Variants in CNGA1 observed in about 807,000 individuals in gnomAD.
CNGA1 encodes the protein cyclic nucleotide-gated channel alpha-1.
A neutral mutation model predicts 69.7 loss-of-function variants in CNGA1; 53 were observed. That is an observed-to-expected ratio of 0.76 (90% CI 0.61 to 0.96). CNGA1 has a LOEUF of 0.96. Among genes scored for constraint, CNGA1 ranks in the 40% least tolerant of loss-of-function variants. The pLI, the probability that CNGA1 is intolerant of heterozygous loss-of-function variation, is 0.00. For missense variants in CNGA1, 739 were observed against 811.2 expected (o/e 0.91, Z 1.08); for synonymous variants, 249 against 283.5 (o/e 0.88, Z 1.22).
chr4:47,950,302 A>G (rs113721560), intron 5 of CNGA1, among the ~76,000 whole-genome samples: 1,951 of 152,330 alleles, frequency 0.013, 34 homozygotes, highest in African/African-American at 0.044. Context: ...TATAAAGGGC[A>G]GTTCCCCTGC....
intron 2 of CNGA1, among the ~76,000 whole-genome samples, chr4:48,009,464 C>CA (rs3033844): frequency 0.41 from 41,365 of 102,106 alleles, 8,497 homozygotes; most frequent in Non-Finnish European, 0.51. Context: ...GAGTCTGTCT[C>CA]AAAAAAAAAA....
At chr4:47,953,379 G>C (rs563471731) in intron 3 of CNGA1, among the ~76,000 whole-genome samples, 1 of 152,184 alleles carries the variant, frequency 6.6e-6, no homozygotes, top group South Asian at 2.1e-4. Context: ...TAGGGACCTC[G>C]CATACCCATC....
chr4:48,009,546 A>G (rs1715061666), intron 2 of CNGA1, among the ~76,000 whole-genome samples: 1 of 151,252 alleles, frequency 6.6e-6, no homozygotes, highest in Non-Finnish European at 1.5e-5. Context: ...GGCTCATGCT[A>G]TAGTCTCAGC....
intron 2 of CNGA1, among the ~76,000 whole-genome samples, chr4:47,985,277 T>C (rs1479128089): frequency 6.6e-6 from 1 of 152,198 alleles, no homozygotes; most frequent in Non-Finnish European, 1.5e-5. Flanking sequence ...GCAATAAATT[T>C]ACATGGTTTC....
chr4:47,937,537 G>A lies in CNGA1; in HGVS notation c.945C>T (p.Tyr315=), dbSNP rs1738747692. 1.2e-6 allele frequency: 2 copies of A among 1,614,170 alleles called. No homozygotes were observed. The highest frequency in any genetic ancestry group is 1.3e-5 in the African/African-American group (1 of 75,040). The change falls in exon 11 of 11, where the codon TAC becomes TAT. Residue 315 remains tyrosine, a synonymous_variant. Transcript: ENST00000514170. ...CAAATCCAATAGCTTTAGAAATAGA[G>A]TAGAACACACATGCATTCCAGTGGA... ...IIIHWNACVF[Y]SISKAIGFGN...
chr4:47,979,484 A>G (rs1469327226), intron 3 of CNGA1, among the ~76,000 whole-genome samples: 1 of 152,190 alleles, frequency 6.6e-6, no homozygotes, highest in East Asian at 1.9e-4. Flanking sequence ...ACCACATACT[A>G]TCACCTGAGG....
chr4:47,945,597 G>T (rs1220809121), intron 6 of CNGA1, among the ~76,000 whole-genome samples: 1 of 152,068 alleles, frequency 6.6e-6, no homozygotes. Context: ...TATGACTTAT[G>T]GTGTTTCCCA....
intron 3 of CNGA1, among the ~76,000 whole-genome samples, chr4:47,956,952 T>C (rs1361915120): frequency 6.6e-6 from 1 of 152,148 alleles, no homozygotes. Context: ...TATTTATTTT[T>C]AGACCGAGTC....
chr4:48,003,225 G>A (rs1419887631), intron 2 of CNGA1, among the ~76,000 whole-genome samples: 1 of 152,162 alleles, frequency 6.6e-6, no homozygotes, highest in African/African-American at 2.4e-5. Context: ...TTGGAAGCAG[G>A]GAGGGGGCTT....
chr4:47,943,123 C>T, intron 8 of CNGA1, 58 bp downstream of exon 8: 1 of 1,189,714 alleles, frequency 8.4e-7, no homozygotes, highest in Non-Finnish European at 1.2e-6. Context: ...GAAAATCATC[C>T]CTGCATCTAA....
At chr4:47,941,381 T>C (rs956023809) in intron 9 of CNGA1, among the ~76,000 whole-genome samples, 3 of 152,150 alleles carry the variant, frequency 2.0e-5, no homozygotes, top group Admixed American at 1.3e-4. Flanking sequence ...GTGAAACACA[T>C]CGATCACCAG....
intron 2 of CNGA1, among the ~76,000 whole-genome samples, chr4:47,990,452 A>T (rs1395060711): frequency 1.3e-5 from 2 of 152,112 alleles, no homozygotes; most frequent in Admixed American, 1.3e-4. Flanking sequence ...GGTAAATTCT[A>T]GTCAGACCAG....
chr4:47,966,067 T>C (rs1740708715), intron 3 of CNGA1, among the ~76,000 whole-genome samples: 1 of 152,208 alleles, frequency 6.6e-6, no homozygotes, highest in African/African-American at 2.4e-5. Flanking sequence ...TCACAAAAAT[T>C]CCTCACTTAA....
chr4:47,999,472 T>C (rs541279861), intron 2 of CNGA1, among the ~76,000 whole-genome samples: 1 of 152,254 alleles, frequency 6.6e-6, no homozygotes, highest in South Asian at 2.1e-4. Flanking sequence ...ACTAATAATG[T>C]CTGGCATTCA....
intron 1 of CNGA1, among the ~76,000 whole-genome samples, chr4:48,012,402 C>G (rs1363108095): frequency 6.6e-6 from 1 of 152,046 alleles, no homozygotes; most frequent in Non-Finnish European, 1.5e-5. Flanking sequence ...CCTTAGCTAT[C>G]GGGTGGGACC....
At chr4:48,009,771 T>G (rs1290234299) in intron 2 of CNGA1, among the ~76,000 whole-genome samples, 3 of 152,116 alleles carry the variant, frequency 2.0e-5, no homozygotes, top group African/African-American at 7.2e-5. Flanking sequence ...GCCATTGCAC[T>G]CCAGCCTGGG....
At chr4:47,962,035 T>C (rs1740467237) in intron 3 of CNGA1, among the ~76,000 whole-genome samples, 1 of 152,114 alleles carries the variant, frequency 6.6e-6, no homozygotes, top group Non-Finnish European at 1.5e-5. Context: ...GCAAGATATC[T>C]GATTACAGAT....
At chr4:48,011,568 A>G (rs1420024904) in intron 1 of CNGA1, among the ~76,000 whole-genome samples, 1 of 152,226 alleles carries the variant, frequency 6.6e-6, no homozygotes, top group Non-Finnish European at 1.5e-5. Flanking sequence ...ATTCTGAGCC[A>G]AATATGACTG....
intron 2 of CNGA1, among the ~76,000 whole-genome samples, chr4:47,995,325 T>C (rs1742435619): frequency 6.6e-6 from 1 of 152,170 alleles, no homozygotes. Context: ...GCCAGACTTG[T>C]TGGAGGCTTT....
Sources: gnomAD v4.1 joint callset for allele counts (sites outside exome capture counted in the v4.1 genomes callset) on GRCh38, gnomAD v4.1.1 for gene constraint, MANE v1.5 for transcripts, NCBI Gene and HGNC (gene_info 2026-07-23, HGNC 2026-07-21) for gene names.